The following PSD3 variants were observed in gnomAD, a reference collection of about 807,000 sequenced individuals.
PSD3 encodes the protein pleckstrin and Sec7 domain containing 3, also known as PH and SEC7 domain-containing protein 3.
In PSD3, 49 loss-of-function variants were observed where a neutral mutation model predicts 105.5. That is an observed-to-expected ratio of 0.46 (90% CI 0.37 to 0.59). The LOEUF is 0.59. Ranked by LOEUF, PSD3 falls within the 20% of genes least tolerant of loss-of-function variation. The pLI, the probability that PSD3 is intolerant of heterozygous loss-of-function variation, is 0.00. For synonymous variants in PSD3, 557 were observed against 457.8 expected, an observed-to-expected ratio of 1.22 and a Z score of -2.77; for missense variants, 1,561 against 1,263.8, an observed-to-expected ratio of 1.24 and a Z score of -3.57.
chr8:19,053,282 T>C (rs1049065479), intron 1 of PSD3, among the ~76,000 whole-genome samples: 14 of 152,102 alleles, frequency 9.2e-5, no homozygotes, highest in Non-Finnish European at 1.9e-4. Flanking sequence ...CTGGAACAAG[T>C]GCTGAGGACA....
chr8:18,639,436 T>G (rs1476023390), intron 10 of PSD3, among the ~76,000 whole-genome samples: 1 of 152,192 alleles, frequency 6.6e-6, no homozygotes, highest in Non-Finnish European at 1.5e-5. Flanking sequence ...GCTCTAGTCT[T>G]AGTGTTATGG....
chr8:18,636,548 C>T (rs1420500501), intron 10 of PSD3, among the ~76,000 whole-genome samples: 9 of 152,220 alleles, frequency 5.9e-5, no homozygotes, highest in African/African-American at 1.9e-4. Context: ...GTAGTAATGT[C>T]GTAGGCTTTC....
At chr8:18,637,652 C>T (rs138282704) in intron 10 of PSD3, among the ~76,000 whole-genome samples, 47 of 152,258 alleles carry the variant, frequency 3.1e-4, no homozygotes, top group African/African-American at 1.1e-3. Context: ...ATTTTATGGT[C>T]GTGCCAGTTT....
intron 1 of PSD3, among the ~76,000 whole-genome samples, chr8:19,034,319 C>G (rs2048087): frequency 7.2e-5 from 11 of 151,946 alleles, no homozygotes; most frequent in Admixed American, 5.9e-4. Context: ...AAGGATTAAA[C>G]TAGACGTCCT....
intron 8 of PSD3, among the ~76,000 whole-genome samples, chr8:18,788,469 T>A (rs1457742794): frequency 6.6e-6 from 1 of 152,140 alleles, no homozygotes; most frequent in Non-Finnish European, 1.5e-5. Flanking sequence ...TCGCCTAACT[T>A]AAAATCAGCC....
intron 12 of PSD3, among the ~76,000 whole-genome samples, chr8:18,577,003 T>C (rs569490936): frequency 6.6e-6 from 1 of 152,182 alleles, no homozygotes; most frequent in African/African-American, 2.4e-5. Context: ...GATGATTACC[T>C]AGTTCTTTTG....
In PSD3 at chr8:18,730,384, A is replaced by G. The variant is rs543152980; in HGVS notation, c.2172+35065T>C. The G allele has an allele frequency of 7.2e-5, 11 of 152,338 alleles. No homozygotes were observed. In the South Asian group the frequency reaches 2.3e-3, roughly 32 times the overall value. 9.4% of individuals were successfully genotyped at this position (152,338 alleles called of 1,614,324 possible). A position where few individuals can be genotyped will look rare whatever the true frequency, so the allele number is the denominator to read the frequency against. On this transcript the variant is annotated intron_variant, in intron 9 of 15. Coordinates refer to ENST00000327040, the MANE Select transcript of PSD3 (RefSeq NM_015310.4). ...TAAACAAACATATACACCCCACGTT[A>G]TAACTAAAACATTATCTAGCTTTGA...
chr8:18,561,325 G>A (rs539750227), intron 14 of PSD3, among the ~76,000 whole-genome samples: 3 of 152,084 alleles, frequency 2.0e-5, no homozygotes, highest in Non-Finnish European at 4.4e-5. Flanking sequence ...TGTCATTTGC[G>A]ACAACATGGA....
intron 2 of PSD3, among the ~76,000 whole-genome samples, chr8:18,911,743 CAT>C (rs565802747): frequency 6.6e-5 from 10 of 151,974 alleles, no homozygotes; most frequent in Non-Finnish European, 1.2e-4. Context: ...TATATATAGA[CAT>C]AGATATATAA....
chr8:18,670,699 A>G (rs1381071959), intron 9 of PSD3, among the ~76,000 whole-genome samples: 1 of 152,200 alleles, frequency 6.6e-6, no homozygotes, highest in African/African-American at 2.4e-5. Flanking sequence ...AAGGAGGTAA[A>G]TACATTAAGA....
rs182768266 is a variant in PSD3 at position 19,010,913 on chromosome 8, G to A, written c.21+2650C>T. ...CCTCTGTGCTTGGCCCAGACGGTCCGGGAAGAACCCCTAAATGGTGAGAAT... is the reference window on the plus strand; with the variant it reads ...CCTCTGTGCTTGGCCCAGACGGTCCAGGAAGAACCCCTAAATGGTGAGAAT... On this transcript the variant is annotated intron_variant, in intron 1 of 15. Transcript: ENST00000327040. 3.6e-3 allele frequency among the ~76,000 whole-genome samples: 539 copies of A among 151,600 alleles called. 2 individuals carry two copies. Among genetic ancestry groups the A allele is most frequent in the Non-Finnish European group, 5.5e-3 (374 of 67,948 alleles).
chr8:18,796,158 AC>A (rs1810158007), intron 8 of PSD3, among the ~76,000 whole-genome samples: 1 of 130,562 alleles, frequency 7.7e-6, no homozygotes, highest in Non-Finnish European at 1.9e-5. Flanking sequence ...AAAAGCAGGT[AC>A]TGAATTCTCC....
At chr8:18,886,832 C>T (rs999589673) in intron 2 of PSD3, 3 of 152,266 alleles carry the variant, frequency 2.0e-5, no homozygotes, top group Non-Finnish European at 2.9e-5. Flanking sequence ...GAACCCGAGC[C>T]GAGAGGAGCT....
At chr8:18,732,098 C>G (rs79052288) in intron 9 of PSD3, among the ~76,000 whole-genome samples, 5,070 of 151,880 alleles carry the variant, frequency 0.033, 211 homozygotes, top group East Asian at 0.15. Flanking sequence ...AAATGTCCCC[C>G]TAGGAGCATT....
At chr8:18,933,918 A>G (rs185946462) in intron 2 of PSD3, among the ~76,000 whole-genome samples, 23 of 152,338 alleles carry the variant, frequency 1.5e-4, no homozygotes, top group African/African-American at 5.3e-4. Context: ...GCTACAATAC[A>G]TGTTAAGTAT....
intron 1 of PSD3, among the ~76,000 whole-genome samples, chr8:18,939,310 T>A (rs756285206): frequency 5.3e-5 from 8 of 152,182 alleles, no homozygotes; most frequent in Non-Finnish European, 1.0e-4. Context: ...TAGATGAAAT[T>A]TAGCATGTTT....
intron 15 of PSD3, among the ~76,000 whole-genome samples, chr8:18,553,896 T>G (rs189977010): frequency 6.2e-4 from 95 of 152,292 alleles, no homozygotes; most frequent in African/African-American, 2.1e-3. Context: ...CAAGTCAACC[T>G]GCTTGACATA....
intron 14 of PSD3, among the ~76,000 whole-genome samples, chr8:18,558,537 G>C (rs1324891741): frequency 6.6e-6 from 1 of 152,158 alleles, no homozygotes; most frequent in African/African-American, 2.4e-5. Flanking sequence ...ATACAGAAGT[G>C]TAGCCGGGTG....
At chr8:18,840,669 G>A (rs562652016) in intron 4 of PSD3, among the ~76,000 whole-genome samples, 1 of 152,298 alleles carries the variant, frequency 6.6e-6, no homozygotes, top group South Asian at 2.1e-4. Flanking sequence ...CAGGCCAGTG[G>A]CAGAGCTGGA....
Sources: allele counts gnomAD v4.1 joint callset (sites outside exome capture counted in the v4.1 genomes callset), GRCh38; gene constraint gnomAD v4.1.1; transcripts MANE v1.5; gene names NCBI Gene and HGNC (gene_info 2026-07-23, HGNC 2026-07-21).